The following THRAP3 variants were observed in gnomAD, a reference collection of about 807,000 sequenced individuals.
The protein encoded by THRAP3 is thyroid hormone receptor-associated protein 3.
THRAP3 carries 16 observed loss-of-function variants against 101.0 expected under a neutral mutation model. The ratio of observed to expected loss-of-function variants is 0.16; its 90% CI spans 0.11 to 0.24. The LOEUF (loss-of-function observed/expected upper bound fraction) is 0.24, where lower values mean the gene tolerates loss of function less well. Ranked by LOEUF, THRAP3 falls within the 10% of genes least tolerant of loss-of-function variation. The pLI is 1.00. For synonymous variants in THRAP3, 407 were observed against 422.6 expected (o/e 0.96, Z 0.45); for missense variants, 989 against 1,202.7 (o/e 0.82, Z 2.63).
intron 2 of THRAP3, among the ~76,000 whole-genome samples, chr1:36,268,397 T>C (rs1645541022): frequency 6.6e-6 from 1 of 152,178 alleles, no homozygotes; most frequent in African/African-American, 2.4e-5. Context: ...TGAACCTCCA[T>C]GGATAAGAGC....
intron 2 of THRAP3, among the ~76,000 whole-genome samples, chr1:36,268,119 G>A (rs574526885): frequency 1.3e-5 from 2 of 152,112 alleles, no homozygotes; most frequent in African/African-American, 4.8e-5. Flanking sequence ...GGTGAAGATT[G>A]TAGTGAGCCG....
chr1:36,250,214 CTT>C (rs55959529), intron 1 of THRAP3, among the ~76,000 whole-genome samples: 99 of 140,376 alleles, frequency 7.1e-4, no homozygotes, highest in Admixed American at 1.2e-3. Flanking sequence ...ATTAGGCATA[CTT>C]TTTTTTTTTT....
intron 1 of THRAP3, among the ~76,000 whole-genome samples, chr1:36,244,979 C>T (rs1465614008): frequency 6.6e-6 from 1 of 151,936 alleles, no homozygotes; most frequent in Non-Finnish European, 1.5e-5. Context: ...CTCGGCCTCC[C>T]AAAGTGCTGG....
intron 1 of THRAP3, among the ~76,000 whole-genome samples, chr1:36,258,243 T>C (rs1645401230): frequency 1.3e-5 from 2 of 152,220 alleles, no homozygotes. Context: ...AGCTGACTGA[T>C]GTGAGCCCTC....
Position 36,289,131 on chromosome 1 carries a change from A to T in THRAP3, c.1112A>T (p.Lys371Ile). 6.2e-7 allele frequency: 1 copy of T among 1,611,646 alleles called. No homozygotes were observed. The highest frequency in any genetic ancestry group is 8.5e-7 in the Non-Finnish European group (1 of 1,179,542). ...EQKQTNTDKE[K>I]IKEKGSFSDT... ...AAACAAACAAATACCGATAAAGAAA[A>T]AATAAAAGAGAAAGGGAGCTTCTCT... The change falls in exon 5 of 12, where the codon AAA (lysine) becomes ATA (isoleucine). Residue 371 changes from lysine to isoleucine, a missense_variant. Lys to Ile is a moderately radical substitution (Grantham distance 102, BLOSUM62 -3). Coordinates refer to ENST00000354618, the MANE Select transcript of THRAP3 (RefSeq NM_005119.4).
chr1:36,224,015 C>G (rs2124306280), upstream of THRAP3, among the ~76,000 whole-genome samples: 1 of 152,296 alleles, frequency 6.6e-6, no homozygotes, highest in Non-Finnish European at 1.5e-5. Context: ...CTCAAGGTCA[C>G]AAAGCGGAAG....
chr1:36,236,020 G>A (rs2124374287), intron 1 of THRAP3, among the ~76,000 whole-genome samples: 1 of 152,002 alleles, frequency 6.6e-6, no homozygotes, highest in East Asian at 1.9e-4. Context: ...AGGCCGAGGT[G>A]GGCAGATTGT....
chr1:36,253,284 AT>A (rs1393185332), intron 1 of THRAP3, among the ~76,000 whole-genome samples: 1 of 152,126 alleles, frequency 6.6e-6, no homozygotes, highest in East Asian at 1.9e-4. Context: ...ATACCATAAC[AT>A]TGCAGATAAA....
chr1:36,253,042 A>G (rs571807874), intron 1 of THRAP3, among the ~76,000 whole-genome samples: 6 of 148,996 alleles, frequency 4.0e-5, no homozygotes, highest in South Asian at 2.1e-4. Context: ...GGGGAGTACA[A>G]TTTCACTTAA....
Position 36,289,726 on chromosome 1 carries a change from C to G in THRAP3, c.1707C>G (p.Val569=). ...SSFSITREAQ[V]NVRMDSFDED... ...TTTCCATTACTCGAGAGGCACAGGT[C>G]AATGTCCGGATGGACTCTTTTGATG... The change falls in exon 5 of 12, where the codon GTC becomes GTG. Residue 569 remains valine, a synonymous_variant. Coordinates refer to ENST00000354618, the MANE Select transcript of THRAP3 (RefSeq NM_005119.4). 6.2e-7 allele frequency: 1 copy of G among 1,613,140 alleles called. No homozygotes were observed. Among genetic ancestry groups the G allele is most frequent in the Non-Finnish European group, 8.5e-7 (1 of 1,179,580 alleles).
In THRAP3 at chr1:36,253,796, G is replaced by C. The variant is rs929570114; in HGVS notation, c.-134-5586G>C. ...TTTTTTTTTAGTTTTTGTAGAGACGGATCTTGCTGTGTTCACTAGGCAGGT... is the reference window on the plus strand; with the variant it reads ...TTTTTTTTTAGTTTTTGTAGAGACGCATCTTGCTGTGTTCACTAGGCAGGT... On this transcript the variant is annotated intron_variant, in intron 1 of 11. Coordinates refer to ENST00000354618, the MANE Select transcript of THRAP3 (RefSeq NM_005119.4). Among the ~76,000 whole-genome samples the C allele has an allele frequency of 4.6e-4, 52 of 113,894 alleles. 1 individual carries two copies. The highest frequency in any genetic ancestry group is 4.2e-4 in the Admixed American group (5 of 11,858). The allele number at this position is 113,894 out of a possible 152,430, so 74.7% of individuals were successfully genotyped here.
At chr1:36,227,820 C>G (rs1007819558) in intron 1 of THRAP3, among the ~76,000 whole-genome samples, 8 of 152,228 alleles carry the variant, frequency 5.3e-5, no homozygotes, top group African/African-American at 1.4e-4. Flanking sequence ...GCATGCCAGC[C>G]TGGGCAACAG....
upstream of THRAP3, among the ~76,000 whole-genome samples, chr1:36,220,159 A>G (rs1329602234): frequency 6.6e-6 from 1 of 151,958 alleles, no homozygotes; most frequent in Non-Finnish European, 1.5e-5. Flanking sequence ...ACGCCCAGCT[A>G]TTTTTTGTAT....
rs933041970 is a variant in THRAP3 at position 36,288,699 on chromosome 1, T to C, written c.1041-361T>C. On this transcript the variant is annotated intron_variant, in intron 4 of 11. Transcript: ENST00000354618. ...TTGCTGAAAGCAGATTTTAAGTGACTGAGTGAAGGTTGGGTAAGACCTTAA... is the reference window on the plus strand; with the variant it reads ...TTGCTGAAAGCAGATTTTAAGTGACCGAGTGAAGGTTGGGTAAGACCTTAA... 1.1e-5 allele frequency: 11 copies of C among 985,356 alleles called. No individual in the cohort carries two copies. The Admixed American group carries it at 5.5e-4, about 50-fold the overall frequency. The allele number at this position is 985,356 out of a possible 1,614,324, so 61.0% of individuals were successfully genotyped here.
At position 36,286,518 on chromosome 1, in the gene THRAP3, G is replaced by C. The variant is rs1645797055; in HGVS notation, c.288G>C (p.Trp96Cys). The change falls in exon 4 of 12, where the codon TGG becomes TGC. Residue 96 changes from tryptophan (W) to cysteine (C), a missense_variant. Transcript: ENST00000354618. The surrounding 1 kb of genome is among the most constrained non-coding windows in gnomAD (Gnocchi z 5.5). ...FRGRNRGFYPWGQYNRGGYGN... is the reference protein window; with the variant it reads ...FRGRNRGFYPCGQYNRGGYGN... ...GGCGTAACAGAGGCTTTTATCCATG[G>C]GGCCAATATAACCGAGGAGGCTATG... 1 of 1,613,958 alleles carries C rather than the reference G, an allele frequency of 6.2e-7. No individual in the cohort carries two copies. Among genetic ancestry groups the C allele is most frequent in the Admixed American group, 1.7e-5 (1 of 59,968 alleles).
chr1:36,280,011 G>A (rs754831626), intron 2 of THRAP3, among the ~76,000 whole-genome samples: 1 of 152,168 alleles, frequency 6.6e-6, no homozygotes. Flanking sequence ...GAGGCTGGGC[G>A]GGGTGGCTCA....
chr1:36,287,968 A>C, intron 4 of THRAP3: 2 of 973,940 alleles, frequency 2.1e-6, no homozygotes, highest in Non-Finnish European at 1.2e-6. Context: ...TGTGGTCAAG[A>C]GGGACTAACC....
chr1:36,280,997 C>T (rs1645724691), intron 2 of THRAP3, among the ~76,000 whole-genome samples: 1 of 150,238 alleles, frequency 6.7e-6, no homozygotes, highest in Admixed American at 6.6e-5. Flanking sequence ...GCGATCTTGG[C>T]TCGCTGTAAC....
At chr1:36,216,239 G>A in the THRAP3 span, among the ~76,000 whole-genome samples, 341 of 151,978 alleles carry the variant, frequency 2.2e-3, 1 homozygote, top group African/African-American at 7.7e-3. Context: ...GAAAAAAACA[G>A]CTGGGCGCTG....
Sources: allele counts gnomAD v4.1 joint callset (sites outside exome capture counted in the v4.1 genomes callset), GRCh38; gene constraint gnomAD v4.1.1; non-coding constraint Gnocchi (gnomAD v3.1); transcripts MANE v1.5; gene names NCBI Gene and HGNC (gene_info 2026-07-23, HGNC 2026-07-21).